The following SPOCK1 variants were observed in gnomAD, a reference collection of about 807,000 sequenced individuals.
The protein encoded by SPOCK1 is SPARC (osteonectin), cwcv and kazal like domains proteoglycan 1.
A neutral mutation model predicts 55.3 loss-of-function variants in SPOCK1; 23 were observed. That is an observed-to-expected ratio of 0.42 (90% confidence interval 0.30 to 0.59). The LOEUF (loss-of-function observed/expected upper bound fraction) is 0.59. Among genes scored for constraint, SPOCK1 ranks in the 20% least tolerant of loss-of-function variants. The pLI is 0.22. For missense variants in SPOCK1, 499 were observed against 552.5 expected, an observed-to-expected ratio of 0.90 and a Z score of 0.97; for synonymous variants, 226 against 221.0, an observed-to-expected ratio of 1.02 and a Z score of -0.20.
At chr5:137,261,060 C>A (rs1388583867) in intron 3 of SPOCK1, among the ~76,000 whole-genome samples, 1 of 152,118 alleles carries the variant, frequency 6.6e-6, no homozygotes, top group Non-Finnish European at 1.5e-5. Flanking sequence ...ACAAACGAGG[C>A]CAGCTGCCTC....
In SPOCK1 at chr5:137,210,932, A is replaced by G. The variant is rs1755600833; in HGVS notation, c.232+56078T>C. On this transcript the variant is annotated intron_variant, in intron 3 of 10. Coordinates refer to ENST00000394945, the MANE Select transcript of SPOCK1 (RefSeq NM_004598.4). ...TCATTCCCCCAGTACTCTGTCCAAAAGCCAATCAGCTATAATTCTCTGTAA... is the reference window on the plus strand; with the variant it reads ...TCATTCCCCCAGTACTCTGTCCAAAGGCCAATCAGCTATAATTCTCTGTAA... 3.3e-5 allele frequency among the ~76,000 whole-genome samples: 5 copies of G among 152,204 alleles called. No individual in the cohort carries two copies. In the South Asian group the frequency reaches 1.0e-3, roughly 31 times the overall value.
In SPOCK1 at chr5:137,318,791, C is replaced by G. The variant is rs147872835; in HGVS notation, c.187-51736G>C. On this transcript the variant is annotated intron_variant, in intron 2 of 10. Transcript: ENST00000394945. ...TATATGAGACAGCACAGAGCAGGCC[C>G]TCCTTAAACTTTTCTCTTGGTCAAG... Among the ~76,000 whole-genome samples, 497 of 152,296 alleles carry G rather than the reference C, an allele frequency of 3.3e-3. 5 individuals are homozygous for G. The highest frequency in any genetic ancestry group is 0.012 in the African/African-American group (479 of 41,580).
chr5:137,405,572 C>T (rs571849686), intron 2 of SPOCK1, among the ~76,000 whole-genome samples: 1 of 152,302 alleles, frequency 6.6e-6, no homozygotes, highest in East Asian at 1.9e-4. Context: ...CAGATCCCTA[C>T]TGGGCCATAG....
At chr5:137,420,839 C>A (rs932664796) in intron 2 of SPOCK1, among the ~76,000 whole-genome samples, 2 of 152,158 alleles carry the variant, frequency 1.3e-5, no homozygotes, top group Non-Finnish European at 2.9e-5. Context: ...CTTCTGCTAG[C>A]TTTTGAATGT....
At chr5:136,980,001 A>C (rs1448967521) in intron 9 of SPOCK1, among the ~76,000 whole-genome samples, 1 of 152,202 alleles carries the variant, frequency 6.6e-6, no homozygotes, top group Non-Finnish European at 1.5e-5. Context: ...ACTAGTAACA[A>C]ATGTTCTATG....
chr5:137,322,647 C>A (rs1758000950), intron 2 of SPOCK1, among the ~76,000 whole-genome samples: 1 of 151,294 alleles, frequency 6.6e-6, no homozygotes, highest in African/African-American at 2.4e-5. Context: ...CCCCATGTAA[C>A]CACAAAAAAC....
chr5:137,472,639 G>A (rs1753759310), intron 2 of SPOCK1, among the ~76,000 whole-genome samples: 1 of 152,196 alleles, frequency 6.6e-6, no homozygotes. Flanking sequence ...CTGCACACGA[G>A]TGAAATGAGG....
intron 3 of SPOCK1, among the ~76,000 whole-genome samples, chr5:137,216,336 A>G (rs1755715220): frequency 6.6e-6 from 1 of 152,236 alleles, no homozygotes; most frequent in South Asian, 2.1e-4. Context: ...CCAGACATTT[A>G]TAAAATACTC....
intron 3 of SPOCK1, among the ~76,000 whole-genome samples, chr5:137,234,858 A>C (rs1487042430): frequency 6.6e-6 from 1 of 152,256 alleles, no homozygotes; most frequent in Non-Finnish European, 1.5e-5. Flanking sequence ...AGGTTTGACA[A>C]GTATATTACT....
At chr5:137,154,763 C>T (rs987913238) in intron 3 of SPOCK1, among the ~76,000 whole-genome samples, 2 of 152,196 alleles carry the variant, frequency 1.3e-5, no homozygotes, top group African/African-American at 4.8e-5. Context: ...TCTTAAGTGA[C>T]CATTGCTCAG....
At chr5:137,035,053 C>G (rs1479088126) in intron 6 of SPOCK1, among the ~76,000 whole-genome samples, 1 of 152,142 alleles carries the variant, frequency 6.6e-6, no homozygotes, top group Non-Finnish European at 1.5e-5. Context: ...GCATGCCTTC[C>G]CTGTGAGTGA....
intron 2 of SPOCK1, among the ~76,000 whole-genome samples, chr5:137,488,307 G>A (rs11948961): frequency 0.012 from 1,780 of 152,242 alleles, 21 homozygotes; most frequent in Non-Finnish European, 0.018. Flanking sequence ...AACCCAAGCG[G>A]CAGAGGTTGC....
intron 2 of SPOCK1, among the ~76,000 whole-genome samples, chr5:137,473,493 G>C (rs561658926): frequency 6.6e-6 from 1 of 152,140 alleles, no homozygotes; most frequent in Non-Finnish European, 1.5e-5. Flanking sequence ...CAGTGGGCAG[G>C]ATAAACAGGG....
intron 2 of SPOCK1, among the ~76,000 whole-genome samples, chr5:137,469,338 G>A (rs1470799759): frequency 6.6e-6 from 1 of 152,164 alleles, no homozygotes. Flanking sequence ...CTGTTATTCA[G>A]TCCTCCAAGA....
chr5:137,257,355 TG>T (rs1238990475), intron 3 of SPOCK1, among the ~76,000 whole-genome samples: 1 of 152,200 alleles, frequency 6.6e-6, no homozygotes, highest in African/African-American at 2.4e-5. Context: ...GTAGGGCCTT[TG>T]GGTGGTGATT....
chr5:137,140,534 C>T, intron 4 of SPOCK1, 46 bp downstream of exon 4: 1 of 1,511,212 alleles, frequency 6.6e-7, no homozygotes, highest in Non-Finnish European at 9.1e-7. Context: ...GATCTGCCAG[C>T]TGCAGAATGC....
chr5:137,038,469 G>C (rs914892854), intron 6 of SPOCK1, among the ~76,000 whole-genome samples: 1 of 152,178 alleles, frequency 6.6e-6, no homozygotes, highest in African/African-American at 2.4e-5. Context: ...AACTGACTGA[G>C]TGGTTTGAAA....
At chr5:137,334,263 TAGAAG>T (rs1414214285) in intron 2 of SPOCK1, among the ~76,000 whole-genome samples, 1 of 152,210 alleles carries the variant, frequency 6.6e-6, no homozygotes, top group Non-Finnish European at 1.5e-5. Flanking sequence ...CTGAGATTAA[TAGAAG>T]AGGTGACTTT....
chr5:137,462,678 T>C (rs1753514121), intron 2 of SPOCK1, among the ~76,000 whole-genome samples: 1 of 152,238 alleles, frequency 6.6e-6, no homozygotes, highest in South Asian at 2.1e-4. Context: ...GTGTCTAGCA[T>C]ATTAAGCAGG....
Sources: allele counts gnomAD v4.1 joint callset (sites outside exome capture counted in the v4.1 genomes callset), GRCh38; gene constraint gnomAD v4.1.1; transcripts MANE v1.5; gene names NCBI Gene and HGNC (gene_info 2026-07-23, HGNC 2026-07-21).